Variants in PLCE1 observed in about 807,000 individuals in gnomAD.
PLCE1 encodes the protein phospholipase C epsilon 1.
A neutral mutation model predicts 242.8 loss-of-function variants in PLCE1; 119 were observed. That is an observed-to-expected ratio of 0.49 (90% CI 0.42 to 0.57). PLCE1 has a LOEUF of 0.57. Among genes scored for constraint, PLCE1 ranks in the 20% least tolerant of loss-of-function variants. PLCE1 has a pLI of 0.00. For synonymous variants in PLCE1, 945 were observed against 1,017.4 expected, an observed-to-expected ratio of 0.93 and a Z score of 1.35; for missense variants, 2,441 against 2,788.8, an observed-to-expected ratio of 0.88 and a Z score of 2.81.
At chr10:94,147,508 A>G (rs2047153017) in intron 3 of PLCE1, among the ~76,000 whole-genome samples, 1 of 151,908 alleles carries the variant, frequency 6.6e-6, no homozygotes, top group African/African-American at 2.4e-5. Context: ...GGGGAGGCAG[A>G]TTAGAGAATT....
At chr10:94,005,235 A>G (rs190410687) in intron 1 of PLCE1, among the ~76,000 whole-genome samples, 1 of 152,216 alleles carries the variant, frequency 6.6e-6, no homozygotes, top group African/African-American at 2.4e-5. Context: ...CCTTGTGACC[A>G]GTTCTATTCA....
chr10:94,303,388 C>T (rs1423510652), intron 24 of PLCE1, among the ~76,000 whole-genome samples: 1 of 152,142 alleles, frequency 6.6e-6, no homozygotes, highest in Non-Finnish European at 1.5e-5. Flanking sequence ...AGAAACAGTG[C>T]AAGAATCCAA....
rs146004536 is a variant in PLCE1, at chr10:94,029,470, G to C, written c.-364-1213G>C. On this transcript the variant is annotated intron_variant, in intron 1 of 32. Coordinates refer to ENST00000371380, the MANE Select transcript of PLCE1 (RefSeq NM_016341.4). ...CTCTATGTATGTTGATGCATAGGGAGTGTTCTGGAAGGAGGTTTCTGAAAG... is the reference window on the plus strand; with the variant it reads ...CTCTATGTATGTTGATGCATAGGGACTGTTCTGGAAGGAGGTTTCTGAAAG... Among the ~76,000 whole-genome samples the C allele has an allele frequency of 5.6e-3, 857 of 152,284 alleles. 4 individuals carry two copies. Among genetic ancestry groups the C allele is most frequent in the Non-Finnish European group, 9.6e-3 (650 of 68,022 alleles).
chr10:94,034,374 C>T (rs1589889085), intron 2 of PLCE1, among the ~76,000 whole-genome samples: 1 of 152,294 alleles, frequency 6.6e-6, no homozygotes, highest in East Asian at 1.9e-4. Context: ...GTTGTACAAT[C>T]ATCTTAACTA....
At chr10:94,019,360 TA>T (rs1405358542) in intron 1 of PLCE1, among the ~76,000 whole-genome samples, 1 of 152,014 alleles carries the variant, frequency 6.6e-6, no homozygotes, top group African/African-American at 2.4e-5. Flanking sequence ...TTATGGGGAG[TA>T]AAGTATACAT....
intron 5 of PLCE1, among the ~76,000 whole-genome samples, chr10:94,233,266 G>T (rs529860393): frequency 6.6e-6 from 1 of 152,202 alleles, no homozygotes; most frequent in East Asian, 1.9e-4. Flanking sequence ...TGGGCTGGTG[G>T]CTTCATGTCA....
intron 2 of PLCE1, among the ~76,000 whole-genome samples, chr10:94,090,317 A>C (rs1416105749): frequency 6.6e-6 from 1 of 152,228 alleles, no homozygotes; most frequent in Non-Finnish European, 1.5e-5. Context: ...ACATAATTCT[A>C]TCTGCGAATT....
intron 19 of PLCE1, among the ~76,000 whole-genome samples, chr10:94,278,925 T>C (rs547741911): frequency 6.6e-6 from 1 of 152,210 alleles, no homozygotes; most frequent in South Asian, 2.1e-4. Context: ...ATATAATCTA[T>C]ATAGTATATT....
rs773520472 is a variant in PLCE1 at position 94,270,567 on chromosome 10, T to C, written c.4471T>C (p.Leu1491=). The change falls in exon 18 of 33, where the codon TTG becomes CTG. Residue 1491 remains leucine, a synonymous_variant. Coordinates refer to ENST00000371380, the MANE Select transcript of PLCE1 (RefSeq NM_016341.4). ...CATATCGATTGAGAACCACTGTTCATTGCCTCAGCAACGAAAAATGGCAGA... is the reference window on the plus strand; with the variant it reads ...CATATCGATTGAGAACCACTGTTCACTGCCTCAGCAACGAAAAATGGCAGA... ...IIISIENHCS[L]PQQRKMAEIF... is the part of the protein sequence containing the mutation. 2.0e-5 allele frequency: 33 copies of C among 1,613,584 alleles called. No homozygotes were observed. In the South Asian group the frequency reaches 3.3e-4, roughly 16 times the overall value.
intron 2 of PLCE1, among the ~76,000 whole-genome samples, chr10:94,046,308 T>C (rs868340489): frequency 6.6e-6 from 1 of 152,324 alleles, no homozygotes; most frequent in South Asian, 2.1e-4. Flanking sequence ...TTCCCGTTGT[T>C]CTTTTTCTTT....
chr10:94,151,270 T>C (rs2047265972), intron 3 of PLCE1, among the ~76,000 whole-genome samples: 1 of 152,198 alleles, frequency 6.6e-6, no homozygotes, highest in African/African-American at 2.4e-5. Context: ...GGACTCCCCT[T>C]GGTCTTTCAC....
intron 8 of PLCE1, among the ~76,000 whole-genome samples, chr10:94,247,712 T>G (rs1418457536): frequency 1.3e-5 from 2 of 152,220 alleles, no homozygotes; most frequent in Non-Finnish European, 2.9e-5. Flanking sequence ...AGTGGGCAGT[T>G]TTTCACAGTC....
In PLCE1 at chr10:94,265,930, G is replaced by A. The variant is rs370622297; in HGVS notation, c.4253G>A (p.Gly1418Glu). 2.0e-5 allele frequency: 33 copies of A among 1,613,948 alleles called. No individual in the cohort carries two copies. Among genetic ancestry groups the A allele is most frequent in the Non-Finnish European group, 2.8e-5 (33 of 1,179,968 alleles). ...TACCTCACGGGCCATCAGCTCAAAG[G>A]AGAATCCTCGGTAGAACTCTACAGC... ...NTYLTGHQLK[G>E]ESSVELYSQV... The change falls in exon 16 of 33, where the codon GGA (glycine) becomes GAA (glutamate). Residue 1418 changes from glycine (G) to glutamate (E), a missense_variant. Physicochemically the swap from Gly to Glu is moderately conservative, Grantham distance 98 (BLOSUM62 -2). Coordinates refer to ENST00000371380, the MANE Select transcript of PLCE1 (RefSeq NM_016341.4).
intron 11 of PLCE1, among the ~76,000 whole-genome samples, chr10:94,255,299 C>G (rs1207273030): frequency 3.3e-5 from 5 of 152,140 alleles, no homozygotes; most frequent in Non-Finnish European, 5.9e-5. Flanking sequence ...TCTGTACTAT[C>G]CAGTACACTA....
chr10:94,032,158 C>G lies in PLCE1; in HGVS notation c.1112C>G (p.Pro371Arg), dbSNP rs371635786. 3.9e-5 allele frequency: 63 copies of G among 1,609,458 alleles called. No individual in the cohort carries two copies. The highest frequency in any genetic ancestry group is 3.2e-4 in the South Asian group (29 of 89,802). The change falls in exon 2 of 33, where the codon CCC (proline) becomes CGC (arginine). Residue 371 changes from proline (P) to arginine (R), a missense_variant. Physicochemically the swap from Pro to Arg is moderately radical, Grantham distance 103. Transcript: ENST00000371380. ...WSYIDQKRNG[P>R]LLPCGRVMEP... Reference sequence around the variant, plus strand: ...TACATAGATCAGAAGAGAAATGGTCCCTTACTGCCTTGTGGGAGAGTAATG... The same window carrying G: ...TACATAGATCAGAAGAGAAATGGTCGCTTACTGCCTTGTGGGAGAGTAATG...
intron 9 of PLCE1, among the ~76,000 whole-genome samples, chr10:94,253,219 G>A (rs921811588): frequency 1.3e-5 from 2 of 152,200 alleles, no homozygotes; most frequent in Non-Finnish European, 2.9e-5. Flanking sequence ...TTCTGCAGGT[G>A]TACAGGAAGC....
intron 4 of PLCE1, among the ~76,000 whole-genome samples, chr10:94,224,257 T>C (rs2049864899): frequency 6.6e-6 from 1 of 152,232 alleles, no homozygotes; most frequent in African/African-American, 2.4e-5. Context: ...GCTGTTTTTT[T>C]CCTAGCATTG....
chr10:94,269,018 A>C lies in PLCE1; in HGVS notation c.4371A>C (p.Thr1457=), dbSNP rs1390146126. ...MPIIYHGHTL[T]TKIPFKEVVE... ...TCATTTATCATGGACATACGCTGAC[A>C]ACCAAGATCCCCTTCAAGGTAATCC... The change falls in exon 17 of 33, where the codon ACA becomes ACC. Residue 1457 remains threonine (T), a synonymous_variant. Coordinates refer to ENST00000371380, the MANE Select transcript of PLCE1 (RefSeq NM_016341.4). 2 of 1,594,414 alleles carry C rather than the reference A, an allele frequency of 1.3e-6. No individual in the cohort carries two copies. Among genetic ancestry groups the C allele is most frequent in the South Asian group, 2.2e-5 (2 of 90,674 alleles).
intron 5 of PLCE1, among the ~76,000 whole-genome samples, chr10:94,230,351 G>A (rs1006396281): frequency 3.9e-5 from 6 of 151,984 alleles, no homozygotes; most frequent in South Asian, 2.1e-4. Context: ...TTTAAACGGA[G>A]CCTCACCGTG....
Sources: allele counts gnomAD v4.1 joint callset (sites outside exome capture counted in the v4.1 genomes callset), GRCh38; gene constraint gnomAD v4.1.1; transcripts MANE v1.5; gene names NCBI Gene and HGNC (gene_info 2026-07-23, HGNC 2026-07-21).